The following RELCH variants were observed in gnomAD, a reference collection of about 807,000 sequenced individuals.
RELCH encodes RAB11 binding and LisH domain, coiled-coil and HEAT repeat containing.
RELCH carries 41 observed loss-of-function variants against 150.3 expected under a neutral mutation model. The ratio of observed to expected loss-of-function variants is 0.27; its 90% CI spans 0.21 to 0.35. The LOEUF (loss-of-function observed/expected upper bound fraction) is 0.35, where lower values mean the gene tolerates loss of function less well. Ranked by LOEUF, RELCH falls within the 10% of genes least tolerant of loss-of-function variation. The pLI is 1.00. For synonymous variants in RELCH, 478 were observed against 531.8 expected (o/e 0.90, Z 1.39); for missense variants, 1,092 against 1,467.8 (o/e 0.74, Z 4.18).
At chr18:62,285,466 CCTGT>C (rs2044741436) in intron 25 of RELCH, 1 of 152,162 alleles carries the variant, frequency 6.6e-6, no homozygotes, top group South Asian at 2.1e-4. Context: ...TTAGAATTAG[CCTGT>C]CTAAGTCAGG....
Position 62,188,020 on chromosome 18 carries a change from G to T in RELCH, c.515G>T (p.Gly172Val). 6.4e-7 allele frequency: 1 copy of T among 1,574,268 alleles called. No homozygotes were observed. Among genetic ancestry groups the T allele is most frequent in the South Asian group, 1.2e-5 (1 of 84,274 alleles). ...GGREPSTASG[G>V]GQLNRAGSIS... ...CGGGAACCGAGTACAGCGTCGGGCGGGGGACAGCTCAGTAAGTGGACGCAG... is the reference window on the plus strand; with the variant it reads ...CGGGAACCGAGTACAGCGTCGGGCGTGGGACAGCTCAGTAAGTGGACGCAG... Residue 172 changes from glycine to valine, a missense_variant, in exon 1 of 29, where the codon GGG becomes GTG. Coordinates refer to ENST00000644646, the MANE Select transcript of RELCH (RefSeq NM_001346231.2).
intron 20 of RELCH, among the ~76,000 whole-genome samples, chr18:62,270,016 G>C (rs2043804859): frequency 1.3e-5 from 2 of 152,138 alleles, no homozygotes; most frequent in Non-Finnish European, 2.9e-5. Flanking sequence ...TCATGATTCT[G>C]CAATCTGGGC....
chr18:62,302,680 A>G (rs575151099), intron 28 of RELCH, among the ~76,000 whole-genome samples: 2 of 152,138 alleles, frequency 1.3e-5, no homozygotes, highest in Non-Finnish European at 2.9e-5. Flanking sequence ...GTGCACCATC[A>G]TGCCCAGCTA....
At chr18:62,206,265 G>A (rs563329632) in intron 1 of RELCH, among the ~76,000 whole-genome samples, 3 of 152,312 alleles carry the variant, frequency 2.0e-5, no homozygotes, top group Admixed American at 2.0e-4. Context: ...GGCCAGGCTT[G>A]TAAAGGAGAA....
intron 22 of RELCH, among the ~76,000 whole-genome samples, chr18:62,279,132 T>A (rs1488062172): frequency 6.6e-6 from 1 of 152,200 alleles, no homozygotes; most frequent in African/African-American, 2.4e-5. Flanking sequence ...TGGAAAATAC[T>A]ATGTATCTAA....
chr18:62,215,240 C>T (rs1247888522), intron 2 of RELCH, among the ~76,000 whole-genome samples: 2 of 152,080 alleles, frequency 1.3e-5, no homozygotes, highest in Admixed American at 1.3e-4. Flanking sequence ...ACAGAATAAA[C>T]TGTGTCTGTT....
chr18:62,210,707 A>G (rs9320003), intron 1 of RELCH, among the ~76,000 whole-genome samples: 15,289 of 151,984 alleles, frequency 0.1, 911 homozygotes, highest in East Asian at 0.19. Flanking sequence ...GGTCCCATTG[A>G]TTGTGTTATT....
intron 10 of RELCH, among the ~76,000 whole-genome samples, chr18:62,235,815 T>C (rs1191178575): frequency 2.0e-5 from 3 of 152,026 alleles, no homozygotes; most frequent in Non-Finnish European, 4.4e-5. Context: ...CTTGCAACTT[T>C]GCTGCATTTG....
intron 20 of RELCH, among the ~76,000 whole-genome samples, chr18:62,272,859 A>G (rs1394556040): frequency 6.6e-6 from 1 of 152,002 alleles, no homozygotes; most frequent in Non-Finnish European, 1.5e-5. Flanking sequence ...TCTATTTTAT[A>G]TTTGAAATAG....
At chr18:62,213,452 C>T (rs866115668) in intron 2 of RELCH, among the ~76,000 whole-genome samples, 2 of 151,956 alleles carry the variant, frequency 1.3e-5, no homozygotes, top group Non-Finnish European at 2.9e-5. Flanking sequence ...ATCATTAGGC[C>T]GGGCGCTGTG....
intron 1 of RELCH, among the ~76,000 whole-genome samples, chr18:62,209,725 G>T (rs532131834): frequency 4.0e-5 from 6 of 150,014 alleles, no homozygotes; most frequent in Non-Finnish European, 7.4e-5. Context: ...TTGCTGTTCT[G>T]ATATGGATCT....
intron 27 of RELCH, among the ~76,000 whole-genome samples, chr18:62,297,562 AG>A (rs1330873225): frequency 6.6e-6 from 1 of 152,184 alleles, no homozygotes; most frequent in Non-Finnish European, 1.5e-5. Flanking sequence ...GAGACAAGAG[AG>A]TGGGGAAGCA....
rs769374697 is a variant in RELCH at position 62,282,330 on chromosome 18, T to C, written c.3139T>C (p.Leu1047=). The C allele has an allele frequency of 6.2e-7, 1 of 1,613,256 alleles. No individual in the cohort carries two copies. Among genetic ancestry groups the C allele is most frequent in the Non-Finnish European group, 8.5e-7 (1 of 1,179,406 alleles). ...GTTGCTGGAAAGAGTGAAAATGCAG[T>C]TGGCTTCTTTCCTGGAAGATCCTCA... ...RELLERVKMQ[L]ASFLEDPQYQ... Residue 1047 remains leucine (L), a synonymous_variant, in exon 25 of 29, where the codon TTG becomes CTG. Coordinates refer to ENST00000644646, the MANE Select transcript of RELCH (RefSeq NM_001346231.2).
At chr18:62,239,281 G>A (rs1364894502) in intron 10 of RELCH, among the ~76,000 whole-genome samples, 1 of 151,514 alleles carries the variant, frequency 6.6e-6, no homozygotes, top group Non-Finnish European at 1.5e-5. Flanking sequence ...CTAAGAATCG[G>A]TATTTTTAGC....
chr18:62,267,352 C>G (rs189626091), intron 19 of RELCH, among the ~76,000 whole-genome samples: 3 of 151,410 alleles, frequency 2.0e-5, no homozygotes, highest in Admixed American at 1.3e-4. Flanking sequence ...GTGTAGCACC[C>G]CCACCCCCAT....
At chr18:62,220,747 G>A (rs2040815307) in intron 2 of RELCH, 5 of 361,934 alleles carry the variant, frequency 1.4e-5, no homozygotes, top group South Asian at 3.2e-5. Context: ...TTATCTAAAT[G>A]AGAGTATGCC....
intron 9 of RELCH, among the ~76,000 whole-genome samples, chr18:62,231,731 T>G (rs1019949565): frequency 5.3e-5 from 8 of 152,052 alleles, no homozygotes; most frequent in African/African-American, 1.9e-4. Flanking sequence ...GGGTATTTTA[T>G]TATTACTGTT....
intron 27 of RELCH, 58 bp from the exon 28 acceptor site, chr18:62,298,732 A>G (rs1238822199): frequency 1.2e-6 from 1 of 804,484 alleles, no homozygotes; most frequent in Non-Finnish European, 2.1e-6. Flanking sequence ...ACATTAGATT[A>G]AACCATAGTA....
intron 25 of RELCH, among the ~76,000 whole-genome samples, chr18:62,286,319 A>G (rs780791309): frequency 3.3e-5 from 5 of 152,110 alleles, no homozygotes; most frequent in Non-Finnish European, 7.4e-5. Flanking sequence ...AATTTGTTCT[A>G]GAGCTCCTCA....
Sources: gnomAD v4.1 joint callset for allele counts (sites outside exome capture counted in the v4.1 genomes callset) on GRCh38, gnomAD v4.1.1 for gene constraint, MANE v1.5 for transcripts, NCBI Gene and HGNC (gene_info 2026-07-23, HGNC 2026-07-21) for gene names.